Variants in EPN2 observed in about 807,000 individuals in gnomAD.
EPN2 encodes the protein epsin 2.
Under a neutral mutation model 61.7 loss-of-function variants are expected in EPN2, and 34 were observed. That is an observed-to-expected ratio of 0.55 (90% CI 0.42 to 0.73). EPN2 has a LOEUF of 0.73. EPN2 is among the 30% of genes least tolerant of loss of function. EPN2 has a pLI of 0.00. For missense variants in EPN2, 714 were observed against 839.2 expected (o/e 0.85, Z 1.84); for synonymous variants, 349 against 353.6 (o/e 0.99, Z 0.15).
chr17:19,316,633 C>T (rs1316293130), intron 7 of EPN2, among the ~76,000 whole-genome samples: 3 of 152,156 alleles, frequency 2.0e-5, no homozygotes, highest in East Asian at 3.8e-4. Context: ...TATGTTTTTA[C>T]TCAGTTGAAG....
chr17:19,326,041 C>A (rs553415984), intron 7 of EPN2, among the ~76,000 whole-genome samples: 1 of 152,156 alleles, frequency 6.6e-6, no homozygotes, highest in Admixed American at 6.5e-5. Flanking sequence ...ATAAATCTTA[C>A]AAAAGTTGTA....
chr17:19,321,417 G>T (rs150639404), intron 7 of EPN2, among the ~76,000 whole-genome samples: 2 of 152,312 alleles, frequency 1.3e-5, no homozygotes, highest in Non-Finnish European at 2.9e-5. Context: ...GGGATTTAGG[G>T]ATGGGGGACT....
chr17:19,298,017 A>G (rs1383791266), intron 4 of EPN2, among the ~76,000 whole-genome samples: 6 of 152,082 alleles, frequency 3.9e-5, no homozygotes, highest in Non-Finnish European at 8.8e-5. Context: ...CTGGGAGTAC[A>G]GGTGCACGCC....
intron 1 of EPN2, among the ~76,000 whole-genome samples, chr17:19,277,504 G>T (rs1007506085): frequency 1.3e-5 from 2 of 151,906 alleles, no homozygotes; most frequent in African/African-American, 4.8e-5. Flanking sequence ...CATGGCAGAT[G>T]TTTGCTGGGA....
At chr17:19,292,259 G>A (rs2045472834) in intron 4 of EPN2, among the ~76,000 whole-genome samples, 1 of 152,196 alleles carries the variant, frequency 6.6e-6, no homozygotes, top group Non-Finnish European at 1.5e-5. Context: ...GGCCCGCCCG[G>A]GGCTGAGAGG....
chr17:19,308,757 G>T (rs1298075993), intron 4 of EPN2: 1 of 735,634 alleles, frequency 1.4e-6, no homozygotes, highest in African/African-American at 1.9e-5. Flanking sequence ...TGAAACGGGG[G>T]CAGAGGTGGG....
chr17:19,276,777 T>TTTTTTTTGTTGTTTG (rs2045310842), intron 1 of EPN2, among the ~76,000 whole-genome samples: 3 of 148,290 alleles, frequency 2.0e-5, no homozygotes, highest in African/African-American at 7.8e-5. Context: ...GAATAAGTTT[T>TTTTTTTTGTTGTTTG]TTTTTTTTTT....
intron 1 of EPN2, among the ~76,000 whole-genome samples, chr17:19,253,142 GC>G (rs1567843101): frequency 6.6e-6 from 1 of 152,126 alleles, no homozygotes; most frequent in Non-Finnish European, 1.5e-5. Context: ...AATTTCCCCA[GC>G]CCCTGGTATC....
intron 7 of EPN2, among the ~76,000 whole-genome samples, chr17:19,327,573 G>A (rs956114071): frequency 1.3e-5 from 2 of 152,140 alleles, no homozygotes; most frequent in African/African-American, 2.4e-5. Flanking sequence ...CTTGGGAGGC[G>A]GCGGTGGGAG....
chr17:19,305,294 G>A (rs1905781044), intron 4 of EPN2, among the ~76,000 whole-genome samples: 1 of 151,992 alleles, frequency 6.6e-6, no homozygotes, highest in Non-Finnish European at 1.5e-5. Context: ...GCTAAATTTT[G>A]TATGTTTAGT....
chr17:19,314,895 A>G (rs1037920231), intron 7 of EPN2, among the ~76,000 whole-genome samples: 1 of 152,210 alleles, frequency 6.6e-6, no homozygotes. Flanking sequence ...AAATCTGAAG[A>G]ATGATTAGTC....
At chr17:19,251,065 A>T (rs1212429136) in intron 1 of EPN2, among the ~76,000 whole-genome samples, 1 of 152,032 alleles carries the variant, frequency 6.6e-6, no homozygotes, top group Admixed American at 6.6e-5. Flanking sequence ...GTACATTCTG[A>T]TGCCTTCCCT....
intron 1 of EPN2, among the ~76,000 whole-genome samples, chr17:19,242,328 C>G (rs2044893822): frequency 6.6e-6 from 1 of 152,154 alleles, no homozygotes; most frequent in Admixed American, 6.5e-5. Flanking sequence ...GTAGTCCCAG[C>G]TACTCAGGAG....
chr17:19,297,578 TG>T (rs1429490314), intron 4 of EPN2, among the ~76,000 whole-genome samples: 2 of 152,122 alleles, frequency 1.3e-5, no homozygotes, highest in African/African-American at 4.8e-5. Context: ...ACCGACACCG[TG>T]TGGTGCTGGG....
chr17:19,291,790 C>T (rs974901531), intron 4 of EPN2, among the ~76,000 whole-genome samples: 4 of 152,124 alleles, frequency 2.6e-5, no homozygotes, highest in Admixed American at 6.5e-5. Context: ...CTTTCTTGTG[C>T]GCTGTTTCAT....
intron 7 of EPN2, among the ~76,000 whole-genome samples, chr17:19,327,988 C>G (rs754448518): frequency 5.9e-5 from 9 of 152,220 alleles, no homozygotes; most frequent in Non-Finnish European, 1.0e-4. Context: ...TAAAGATGCA[C>G]ATCACAGCGT....
intron 4 of EPN2, among the ~76,000 whole-genome samples, chr17:19,294,014 T>C (rs1567857709): frequency 6.6e-6 from 1 of 151,442 alleles, no homozygotes; most frequent in East Asian, 1.9e-4. Context: ...GCTTGAAGCT[T>C]GGGAGGCAGA....
rs1907354370 is a variant in EPN2 at position 19,335,310 on chromosome 17, C to A, written c.*1056C>A. The A allele has an allele frequency of 4.7e-6, 6 of 1,288,660 alleles. No individual in the cohort carries two copies. In the East Asian group the frequency reaches 7.8e-5, roughly 17 times the overall value. 79.8% of individuals were successfully genotyped at this position (1,288,660 alleles called of 1,614,324 possible). A position where few individuals can be genotyped will look rare whatever the true frequency, so the allele number is the denominator to read the frequency against. ...AGATCCTGAGAGGCTATTTTTCTTA[C>A]GAATATACCAACATCCTGAAAGTTA... On this transcript the variant is annotated 3_prime_UTR_variant, in exon 11 of 11. Transcript: ENST00000314728.
At chr17:19,269,440 T>A (rs560792492) in intron 1 of EPN2, among the ~76,000 whole-genome samples, 1 of 152,306 alleles carries the variant, frequency 6.6e-6, no homozygotes, top group East Asian at 1.9e-4. Flanking sequence ...TTTCTCAGGG[T>A]GTTAAAGTCG....
Sources: allele counts gnomAD v4.1 joint callset (sites outside exome capture counted in the v4.1 genomes callset), GRCh38; gene constraint gnomAD v4.1.1; transcripts MANE v1.5; gene names NCBI Gene and HGNC (gene_info 2026-07-23, HGNC 2026-07-21).